Variants in MRTFA observed in about 807,000 individuals in gnomAD.
MRTFA encodes myocardin-related transcription factor A.
A neutral mutation model predicts 83.5 loss-of-function variants in MRTFA; 20 were observed. The observed-to-expected ratio is 0.24, with a 90% confidence interval of 0.17 to 0.35. The LOEUF (loss-of-function observed/expected upper bound fraction) is 0.35. MRTFA is among the 10% of genes least tolerant of loss of function. The probability of loss-of-function intolerance (pLI) is 1.00; values close to 1 mark genes in which losing one functional copy is unlikely to be tolerated. For synonymous variants in MRTFA, 659 were observed against 541.2 expected (o/e 1.22, Z -3.02); for missense variants, 1,200 against 1,224.7 (o/e 0.98, Z 0.30).
intron 4 of MRTFA, among the ~76,000 whole-genome samples, chr22:40,461,080 G>A (rs768294765): frequency 6.6e-6 from 1 of 151,684 alleles, no homozygotes; most frequent in Non-Finnish European, 1.5e-5. Flanking sequence ...CACACCTACA[G>A]TCCCAGGGCT....
chr22:40,555,586 T>TTATATA (rs145891906), intron 2 of MRTFA, among the ~76,000 whole-genome samples: 1 of 148,934 alleles, frequency 6.7e-6, no homozygotes, highest in African/African-American at 2.5e-5. Context: ...AAAAAAAATT[T>TTATATA]TATATATATA....
chr22:40,415,833 G>C (rs1169169316), intron 14 of MRTFA, among the ~76,000 whole-genome samples: 1 of 151,882 alleles, frequency 6.6e-6, no homozygotes, highest in East Asian at 1.9e-4. Flanking sequence ...CCGTGTCCAG[G>C]CCTCGGTCCT....
chr22:40,419,742 T>G (rs963924899), intron 11 of MRTFA, among the ~76,000 whole-genome samples: 2 of 152,164 alleles, frequency 1.3e-5, no homozygotes. Context: ...CTCATGAAAG[T>G]AGGGCCCAGC....
intron 1 of MRTFA, among the ~76,000 whole-genome samples, chr22:40,599,358 G>A (rs1174886030): frequency 6.6e-6 from 1 of 152,078 alleles, no homozygotes; most frequent in Non-Finnish European, 1.5e-5. Context: ...AATACTTTTG[G>A]CTCAATACAT....
At chr22:40,427,287 C>A (rs2052975112) in intron 7 of MRTFA, among the ~76,000 whole-genome samples, 1 of 152,146 alleles carries the variant, frequency 6.6e-6, no homozygotes, top group Admixed American at 6.5e-5. Context: ...ATTATAAGAG[C>A]TACTGTATCA....
In MRTFA at chr22:40,420,849, T is replaced by C. The variant is rs1395853591; in HGVS notation, c.1179A>G (p.Pro393=). ...GGCAGTGAGGAGCGGGTGCCTACTT[T>C]GGCGGGGCAGGCAGGATGGCCTGGT... is the stretch of plus-strand genomic sequence containing the variant. Residue 393 remains proline (P), a splice_region_variant and synonymous_variant, in exon 10 of 15, where the codon CCA becomes CCG. Coordinates refer to ENST00000355630, the MANE Select transcript of MRTFA (RefSeq NM_020831.6). The C allele has an allele frequency of 1.2e-6, 2 of 1,613,482 alleles. No individual in the cohort carries two copies. Among genetic ancestry groups the C allele is most frequent in the African/African-American group, 1.3e-5 (1 of 75,046 alleles).
chr22:40,611,338 G>A (rs2056386026), intron 1 of MRTFA, among the ~76,000 whole-genome samples: 1 of 152,082 alleles, frequency 6.6e-6, no homozygotes. Flanking sequence ...CTGGATTCGA[G>A]TGATCCTCCT....
chr22:40,429,864 G>A (rs2053032540), intron 6 of MRTFA, 97 bp from the exon 7 acceptor site: 2 of 1,273,016 alleles, frequency 1.6e-6, no homozygotes, highest in African/African-American at 1.5e-5. Context: ...CTGGGCAAGA[G>A]GAGTGACTGT....
rs1441027929 is a variant in MRTFA, at chr22:40,411,189, G to A, written c.*201C>T. 8 of 487,514 alleles carry A rather than the reference G, an allele frequency of 1.6e-5. No individual in the cohort carries two copies. The highest frequency in any genetic ancestry group is 2.4e-5 in the Non-Finnish European group (7 of 289,910). 30.2% of individuals were successfully genotyped at this position (487,514 alleles called of 1,614,324 possible). A position where few individuals can be genotyped will look rare whatever the true frequency, so the allele number is the denominator to read the frequency against. ...AGCGTGAGAGCCAGGGCTGCTTCTT[G>A]ACAGCTGCTCTCCTCTGCCCTGCGT... is the stretch of plus-strand genomic sequence containing the variant. On this transcript the variant is annotated 3_prime_UTR_variant, in exon 15 of 15. Coordinates refer to ENST00000355630, the MANE Select transcript of MRTFA (RefSeq NM_020831.6).
At chr22:40,478,678 A>C (rs1369056492) in intron 3 of MRTFA, among the ~76,000 whole-genome samples, 2 of 152,146 alleles carry the variant, frequency 1.3e-5, no homozygotes, top group African/African-American at 4.8e-5. Flanking sequence ...CAGCCACTTC[A>C]TACTGGGGAC....
At chr22:40,440,954 A>T (rs2053263998) in intron 4 of MRTFA, among the ~76,000 whole-genome samples, 1 of 151,994 alleles carries the variant, frequency 6.6e-6, no homozygotes, top group Non-Finnish European at 1.5e-5. Flanking sequence ...TTCATCTTAG[A>T]CTCCATCTCC....
Position 40,421,030 on chromosome 22 carries a change from A to G in MRTFA, c.998T>C (p.Val333Ala). ...GTACTGGTGGTACTTGAGCTTCTTC[A>G]CCTTTGGCTTCAGCTCCTTGGCCTT... is the stretch of plus-strand genomic sequence containing the variant. The change falls in exon 10 of 15, where the codon GTG becomes GCG. Residue 333 changes from valine to alanine, a missense_variant. Val to Ala is a moderately conservative substitution (Grantham distance 64). Transcript: ENST00000355630. 1 of 1,582,026 alleles carries G rather than the reference A, an allele frequency of 6.3e-7. No individual in the cohort carries two copies. Among genetic ancestry groups the G allele is most frequent in the Non-Finnish European group, 8.6e-7 (1 of 1,162,084 alleles).
intron 3 of MRTFA, among the ~76,000 whole-genome samples, chr22:40,535,295 T>G (rs144182408): frequency 8.0e-4 from 121 of 151,898 alleles, no homozygotes; most frequent in African/African-American, 2.9e-3. Flanking sequence ...GAAGATTGAG[T>G]CATTCCTTGG....
chr22:40,455,723 CG>C (rs1275042013), intron 4 of MRTFA, among the ~76,000 whole-genome samples: 2 of 149,460 alleles, frequency 1.3e-5, no homozygotes, highest in African/African-American at 4.9e-5. Flanking sequence ...GACAGGGTGT[CG>C]GGGTGGCAGA....
At chr22:40,465,742 T>G (rs1300922729) in intron 3 of MRTFA, among the ~76,000 whole-genome samples, 3 of 152,018 alleles carry the variant, frequency 2.0e-5, no homozygotes, top group African/African-American at 7.2e-5. Context: ...TAATTTTTTT[T>G]TTTGTAGATA....
chr22:40,547,532 G>A (rs560432992), intron 3 of MRTFA, among the ~76,000 whole-genome samples: 1 of 152,162 alleles, frequency 6.6e-6, no homozygotes, highest in South Asian at 2.1e-4. Flanking sequence ...AGTGTGCCTG[G>A]GAGCTAAGGG....
rs969991832 is a variant in MRTFA at position 40,594,739 on chromosome 22, CA to C, written c.-83-5del. On this transcript the variant is annotated splice_region_variant and splice_polypyrimidine_tract_variant and intron_variant, in intron 1 of 14. Transcript: ENST00000355630. ...TGCCAACCATACCCTCCGATCACTA[CA>C]ACACAAACAGAAAAATAAAAGTTCA... 6.6e-6 allele frequency: 1 copy of C among 152,158 alleles called. No individual in the cohort carries two copies. Among genetic ancestry groups the C allele is most frequent in the Non-Finnish European group, 1.5e-5 (1 of 68,020 alleles). The allele number at this position is 152,158 out of a possible 1,614,324, so 9.4% of individuals were successfully genotyped here. A position where few individuals can be genotyped will look rare whatever the true frequency, so the allele number is the denominator to read the frequency against.
chr22:40,547,182 T>TA (rs1348691041), intron 3 of MRTFA, among the ~76,000 whole-genome samples: 3 of 151,558 alleles, frequency 2.0e-5, no homozygotes, highest in African/African-American at 4.8e-5. Flanking sequence ...TAAAATAAAA[T>TA]AAATAAATAT....
chr22:40,621,479 G>A (rs752300195), intron 1 of MRTFA, among the ~76,000 whole-genome samples: 1 of 152,158 alleles, frequency 6.6e-6, no homozygotes, highest in Non-Finnish European at 1.5e-5. Context: ...AGAACAGGGA[G>A]TCATTGTTTA....
Sources: gnomAD v4.1 joint callset for allele counts (sites outside exome capture counted in the v4.1 genomes callset) on GRCh38, gnomAD v4.1.1 for gene constraint, MANE v1.5 for transcripts, NCBI Gene and HGNC (gene_info 2026-07-23, HGNC 2026-07-21) for gene names.